The following TIGAR variants were observed in gnomAD, a reference collection of about 807,000 sequenced individuals.
TIGAR encodes the protein TP53 induced glycolysis regulatory phosphatase.
Under a neutral mutation model 17.9 loss-of-function variants are expected in TIGAR, and 7 were observed. That is an observed-to-expected ratio of 0.39 (90% CI 0.22 to 0.73). The LOEUF is 0.73. Ranked by LOEUF, TIGAR falls within the 30% of genes least tolerant of loss-of-function variation. The pLI, the probability that TIGAR is intolerant of heterozygous loss-of-function variation, is 0.42. For synonymous variants in TIGAR, 94 were observed against 108.6 expected (o/e 0.87, Z 0.84); for missense variants, 258 against 327.4 (o/e 0.79, Z 1.64).
At chr12:4,322,614 C>T (rs553962447) in intron 1 of TIGAR, among the ~76,000 whole-genome samples, 1 of 152,286 alleles carries the variant, frequency 6.6e-6, no homozygotes, top group African/African-American at 2.4e-5. Context: ...AATAACATAC[C>T]ATTTCTGCAT....
intron 1 of TIGAR, chr12:4,324,524 C>A: frequency 6.2e-7 from 1 of 1,609,642 alleles, no homozygotes; most frequent in African/African-American, 1.3e-5. Context: ...CCGTTGTAGA[C>A]GCCCACCATG....
In TIGAR at chr12:4,355,423, A is replaced by ACTGTCTGCAAAGGGTGGATAC. The variant is rs1864889334; in HGVS notation, c.*2738_*2739insGCAAAGGGTGGATACCTGTCT. On this transcript the variant is annotated 3_prime_UTR_variant, in exon 6 of 6. Transcript: ENST00000179259. ...CTTAGTTACTGTGGCTTTGCAGCTG[A>ACTGTCTGCAAAGGGTGGATAC]CTGTCTTAAAGGGTGGATACCTCCT... Among the ~76,000 whole-genome samples the ACTGTCTGCAAAGGGTGGATAC allele has an allele frequency of 6.6e-6, 1 of 152,048 alleles. No individual in the cohort carries two copies. Among genetic ancestry groups the ACTGTCTGCAAAGGGTGGATAC allele is most frequent in the Admixed American group, 6.6e-5 (1 of 15,266 alleles).
chr12:4,335,626 A>T (rs538768863), intron 2 of TIGAR: 2 of 152,426 alleles, frequency 1.3e-5, no homozygotes, highest in South Asian at 4.1e-4. Flanking sequence ...TGGTACCCTC[A>T]TCTCAAACTT....
At chr12:4,327,969 G>A (rs761833529) in intron 1 of TIGAR, among the ~76,000 whole-genome samples, 2 of 151,980 alleles carry the variant, frequency 1.3e-5, no homozygotes, top group African/African-American at 2.4e-5. Context: ...CCCAGCCGAG[G>A]ATGTTACTTA....
chr12:4,322,705 C>T lies in TIGAR; in HGVS notation c.32+1402C>T, dbSNP rs189741528. Among the ~76,000 whole-genome samples, 6 of 152,254 alleles carry T rather than the reference C, an allele frequency of 3.9e-5. No homozygotes were observed. In the East Asian group the frequency reaches 1.2e-3, roughly 29 times the overall value. ...AGCTATCTTTTCTGGCCTGTCCTTC[C>T]TTTATAAGAAAGATAATCTTAAGAA... On this transcript the variant is annotated intron_variant, in intron 1 of 5. Coordinates refer to ENST00000179259, the MANE Select transcript of TIGAR (RefSeq NM_020375.3).
chr12:4,357,059 A>G lies in TIGAR; in HGVS notation c.*4368A>G, dbSNP rs1864911570. On this transcript the variant is annotated 3_prime_UTR_variant, in exon 6 of 6. Coordinates refer to ENST00000179259, the MANE Select transcript of TIGAR (RefSeq NM_020375.3). The stretch of plus-strand genomic sequence containing the variant: ...TTTCTTTAAATGCTATGTCATACTC[A>G]GCAAGGACATGCTCATATTAGGGGA... Among the ~76,000 whole-genome samples, 1 of 152,222 alleles carries G rather than the reference A, an allele frequency of 6.6e-6. No individual in the cohort carries two copies. The highest frequency in any genetic ancestry group is 6.5e-5 in the Admixed American group (1 of 15,280).
chr12:4,332,486 T>G (rs538388149), intron 2 of TIGAR, among the ~76,000 whole-genome samples: 1 of 152,146 alleles, frequency 6.6e-6, no homozygotes, highest in African/African-American at 2.4e-5. Flanking sequence ...TCAGTTGATA[T>G]GCCTGCCTTA....
At chr12:4,334,323 C>T (rs1186184346) in intron 2 of TIGAR, among the ~76,000 whole-genome samples, 3 of 152,110 alleles carry the variant, frequency 2.0e-5, no homozygotes, top group Non-Finnish European at 4.4e-5. Flanking sequence ...CCTCACATGG[C>T]AGAGAGATAG....
rs1333560364 is a variant in TIGAR, at chr12:4,355,578, T to C, written c.*2887T>C. The stretch of plus-strand genomic sequence containing the variant: ...TATTGGAGTCACATGCATCTCTTCA[T>C]CTATTCAATACGTATTTTTTGAGCA... On this transcript the variant is annotated 3_prime_UTR_variant, in exon 6 of 6. Coordinates refer to ENST00000179259, the MANE Select transcript of TIGAR (RefSeq NM_020375.3). 2.0e-5 allele frequency among the ~76,000 whole-genome samples: 3 copies of C among 152,262 alleles called. No individual in the cohort carries two copies. Among genetic ancestry groups the C allele is most frequent in the African/African-American group, 7.2e-5 (3 of 41,466 alleles).
At chr12:4,331,767 C>T (rs1864605898) in intron 2 of TIGAR, among the ~76,000 whole-genome samples, 1 of 152,078 alleles carries the variant, frequency 6.6e-6, no homozygotes, top group African/African-American at 2.4e-5. Flanking sequence ...TTACTTTATT[C>T]TGAAGAGATT....
intron 1 of TIGAR, among the ~76,000 whole-genome samples, chr12:4,330,844 G>A (rs1864595950): frequency 1.3e-5 from 2 of 152,170 alleles, no homozygotes; most frequent in Non-Finnish European, 2.9e-5. Context: ...GTTTGTGCAC[G>A]TCTCTCCCAT....
intron 2 of TIGAR, among the ~76,000 whole-genome samples, chr12:4,334,246 C>A (rs1864635252): frequency 6.6e-6 from 1 of 152,156 alleles, no homozygotes; most frequent in Admixed American, 6.5e-5. Context: ...GATCAGGGTG[C>A]CAGCAGATCC....
chr12:4,350,733 C>T (rs534978923), intron 4 of TIGAR, among the ~76,000 whole-genome samples: 6 of 150,468 alleles, frequency 4.0e-5, no homozygotes, highest in South Asian at 2.1e-4. Flanking sequence ...GCTGAGATCG[C>T]GCCACGGCAC....
Position 4,352,333 on chromosome 12 carries a change from A to G in TIGAR, c.455A>G (p.Gln152Arg). The change falls in exon 6 of 6, where the codon CAG becomes CGG. Residue 152 changes from glutamine to arginine, a missense_variant. Gln to Arg is a conservative substitution (Grantham distance 43, BLOSUM62 1). Transcript: ENST00000179259. The stretch of plus-strand genomic sequence containing the variant: ...CTGAAAGAAGCGGATCAAAAAGAAC[A>G]GTTTTCCCAAGGATCTCCAAGCAAC... ...LILKEADQKE[Q>R]FSQGSPSNCL... 6.2e-7 allele frequency: 1 copy of G among 1,614,134 alleles called. No homozygotes were observed. The highest frequency in any genetic ancestry group is 1.3e-5 in the African/African-American group (1 of 75,056).
chr12:4,338,977 C>CAAAAAAAAAAAAAAAAAAAAAAAA (rs1192832105), intron 3 of TIGAR, among the ~76,000 whole-genome samples: 1 of 100,580 alleles, frequency 9.9e-6, no homozygotes, highest in Admixed American at 1.2e-4. Flanking sequence ...CTTTGTCTCA[C>CAAAAAAAAAAAAAAAAAAAAAAAA]AAAAAAAAAA....
intron 3 of TIGAR, among the ~76,000 whole-genome samples, chr12:4,347,060 C>T (rs1019445192): frequency 1.3e-5 from 2 of 151,992 alleles, no homozygotes; most frequent in African/African-American, 4.8e-5. Flanking sequence ...GGTATGTACC[C>T]AAAGAAAGGA....
rs1248293276 is a variant in TIGAR at position 4,357,282 on chromosome 12, A to G, written c.*4591A>G. Among the ~76,000 whole-genome samples the G allele has an allele frequency of 1.3e-5, 2 of 152,248 alleles. No individual in the cohort carries two copies. The highest frequency in any genetic ancestry group is 2.9e-5 in the Non-Finnish European group (2 of 68,044). ...TGGTTCTATTATATGTCTTCACTATATTAAGGTCAGTCACAATTTAATTGA... is the reference window on the plus strand; with the variant it reads ...TGGTTCTATTATATGTCTTCACTATGTTAAGGTCAGTCACAATTTAATTGA... On this transcript the variant is annotated 3_prime_UTR_variant, in exon 6 of 6. Transcript: ENST00000179259.
intron 3 of TIGAR, among the ~76,000 whole-genome samples, chr12:4,339,575 CCAGA>C (rs1266532354): frequency 1.3e-5 from 2 of 152,128 alleles, no homozygotes; most frequent in Non-Finnish European, 2.9e-5. Flanking sequence ...GATACCAAAA[CCAGA>C]CAGACACATT....
intron 1 of TIGAR, chr12:4,324,730 TCCC>T (rs1565445004): frequency 6.9e-3 from 12 of 1,742 alleles, no homozygotes; most frequent in East Asian, 0.083. Flanking sequence ...GCAGGACACG[TCCC>T]GTCCCGCAGC....
Sources: allele counts gnomAD v4.1 joint callset (sites outside exome capture counted in the v4.1 genomes callset), GRCh38; gene constraint gnomAD v4.1.1; transcripts MANE v1.5; gene names NCBI Gene and HGNC (gene_info 2026-07-23, HGNC 2026-07-21).